The following DERA variants were observed in gnomAD, a reference collection of about 807,000 sequenced individuals.
DERA encodes the protein 2-deoxy-D-ribose 5-phosphate aldolase.
Under a neutral mutation model 41.1 loss-of-function variants are expected in DERA, and 15 were observed. The observed-to-expected ratio is 0.37, with a 90% CI of 0.24 to 0.56. The LOEUF is 0.56. DERA is among the 20% of genes least tolerant of loss of function. The pLI, the probability that DERA is intolerant of heterozygous loss-of-function variation, is 0.81. For missense variants in DERA, 396 were observed against 403.4 expected (o/e 0.98, Z 0.16); for synonymous variants, 139 against 137.4 (o/e 1.01, Z -0.08).
In DERA at chr12:15,989,959, G is replaced by C. The variant is rs143012881; in HGVS notation, c.637+7523G>C. On this transcript the variant is annotated intron_variant, in intron 6 of 8. Coordinates refer to ENST00000428559, the MANE Select transcript of DERA (RefSeq NM_015954.4). This position sits in a 1 kb window ranked among gnomAD's most constrained non-coding sequence, Gnocchi z 5.2. ...ACACAGTCAGAAGACCAGAACTCTTGTTCTGTCTTGCATATTTTGTGACCT... is the reference window on the plus strand; with the variant it reads ...ACACAGTCAGAAGACCAGAACTCTTCTTCTGTCTTGCATATTTTGTGACCT... Among the ~76,000 whole-genome samples, 57 of 152,268 alleles carry C rather than the reference G, an allele frequency of 3.7e-4. No homozygotes were observed. Among genetic ancestry groups the C allele is most frequent in the African/African-American group, 1.3e-3 (55 of 41,568 alleles).
In DERA at chr12:16,001,208, G is replaced by A. The variant is rs1206242412; in HGVS notation, c.637+18772G>A. 1.3e-5 allele frequency among the ~76,000 whole-genome samples: 2 copies of A among 152,204 alleles called. No homozygotes were observed. Among genetic ancestry groups the A allele is most frequent in the South Asian group, 2.1e-4 (1 of 4,818 alleles). ...GGTGCAGCAAACCACCACGGCACAC[G>A]TACACCTATGTAACAAACCTGCACA... is the stretch of plus-strand genomic sequence containing the variant. On this transcript the variant is annotated intron_variant, in intron 6 of 8. Coordinates refer to ENST00000428559, the MANE Select transcript of DERA (RefSeq NM_015954.4). The surrounding 1 kb of genome is among the most constrained non-coding windows in gnomAD (Gnocchi z 4.1).
At chr12:15,987,834 G>T (rs1418038738) in intron 6 of DERA, among the ~76,000 whole-genome samples, 2 of 152,034 alleles carry the variant, frequency 1.3e-5, no homozygotes, top group Non-Finnish European at 2.9e-5. Flanking sequence ...GGCCCGGCAG[G>T]CTGCACTTGG....
intron 6 of DERA, among the ~76,000 whole-genome samples, chr12:16,031,050 T>C (rs1383684422): frequency 6.6e-6 from 1 of 152,256 alleles, no homozygotes; most frequent in African/African-American, 2.4e-5. Context: ...AAGTGCTTGC[T>C]ATGCGATTGT....
chr12:16,028,494 G>C (rs890121341), intron 6 of DERA, among the ~76,000 whole-genome samples: 1 of 152,142 alleles, frequency 6.6e-6, no homozygotes. Context: ...GCCCCTGCTC[G>C]AGGAGGTGGA....
At chr12:15,986,474 TAC>T (rs1391095791) in intron 6 of DERA, among the ~76,000 whole-genome samples, 2 of 152,240 alleles carry the variant, frequency 1.3e-5, no homozygotes, top group African/African-American at 4.8e-5. Context: ...GCTTTTTATC[TAC>T]AGACTCTTTG....
At chr12:16,015,441 T>A (rs149073726) in intron 6 of DERA, among the ~76,000 whole-genome samples, 1 of 152,238 alleles carries the variant, frequency 6.6e-6, no homozygotes, top group Non-Finnish European at 1.5e-5. Context: ...TTGGCACATC[T>A]CCTTCTTGTC....
At position 15,992,577 on chromosome 12, in the gene DERA, G is replaced by A. The variant is rs949420726; in HGVS notation, c.637+10141G>A. On this transcript the variant is annotated intron_variant, in intron 6 of 8. Transcript: ENST00000428559. This position sits in a 1 kb window ranked among gnomAD's most constrained non-coding sequence, Gnocchi z 4.3. ...AAGTACAAATACAGGAGGAACTAAAGTAGGAGCAAACAATTTGAAGGGAGT... is the reference window on the plus strand; with the variant it reads ...AAGTACAAATACAGGAGGAACTAAAATAGGAGCAAACAATTTGAAGGGAGT... 3.3e-5 allele frequency among the ~76,000 whole-genome samples: 5 copies of A among 152,060 alleles called. No individual in the cohort carries two copies. Among genetic ancestry groups the A allele is most frequent in the African/African-American group, 1.2e-4 (5 of 41,396 alleles).
intron 1 of DERA, among the ~76,000 whole-genome samples, chr12:15,945,405 T>G (rs1242747971): frequency 6.6e-6 from 1 of 152,226 alleles, no homozygotes; most frequent in Non-Finnish European, 1.5e-5. Flanking sequence ...TTTGATTTCG[T>G]TGAGCAGTGG....
chr12:15,943,705 T>TTTTGTTTA lies in DERA; in HGVS notation c.32-13228_32-13227insGTTTATTT, dbSNP rs1555150476. Among the ~76,000 whole-genome samples the TTTTGTTTA allele has an allele frequency of 6.9e-6, 1 of 144,134 alleles. No individual in the cohort carries two copies. The highest frequency in any genetic ancestry group is 1.5e-5 in the Non-Finnish European group (1 of 65,818). 94.6% of individuals were successfully genotyped at this position (144,134 alleles called of 152,430 possible). On this transcript the variant is annotated intron_variant, in intron 1 of 8. Transcript: ENST00000428559. This position sits in a 1 kb window ranked among gnomAD's most constrained non-coding sequence, Gnocchi z 4.5. ...TGTTTCTTCTTTTTTATTTTTTAAT[T>TTTTGTTTA]TTTATTTATTTATTTATTTATTTAT...
chr12:15,960,205 T>TACAC lies in DERA; in HGVS notation c.373+282_373+283insCACA, dbSNP rs765732027. ...AGGCATGACATATAGTATATATATA[T>TACAC]ATACACACACACACACACACATATA... On this transcript the variant is annotated intron_variant, in intron 4 of 8. Coordinates refer to ENST00000428559, the MANE Select transcript of DERA (RefSeq NM_015954.4). Among the ~76,000 whole-genome samples, 136 of 149,888 alleles carry TACAC rather than the reference T, an allele frequency of 9.1e-4. 1 individual carries two copies. Among genetic ancestry groups the TACAC allele is most frequent in the African/African-American group, 3.1e-3 (128 of 40,820 alleles).
intron 7 of DERA, among the ~76,000 whole-genome samples, chr12:16,034,123 G>A (rs953999400): frequency 6.6e-6 from 1 of 152,172 alleles, no homozygotes; most frequent in Admixed American, 6.5e-5. Context: ...CCCATCCCTG[G>A]TGGTTTTGGG....
Position 16,026,850 on chromosome 12 carries a change from T to G in DERA, c.638-5692T>G, listed in dbSNP as rs558793970. Among the ~76,000 whole-genome samples, 44 of 152,076 alleles carry G rather than the reference T, an allele frequency of 2.9e-4. 1 individual carries two copies. The highest frequency in any genetic ancestry group is 9.9e-4 in the African/African-American group (41 of 41,492). ...TTACTCCAAAACCAGATAAAGACAC[T>G]GCCAGAAAGAAAACCTATAGATGAA... On this transcript the variant is annotated intron_variant, in intron 6 of 8. Coordinates refer to ENST00000428559, the MANE Select transcript of DERA (RefSeq NM_015954.4). The surrounding 1 kb of genome is among the most constrained non-coding windows in gnomAD (Gnocchi z 4.4).
rs1949130768 is a variant in DERA, at chr12:16,036,641, G to A, written c.901-49G>A. The A allele has an allele frequency of 7.7e-7, 1 of 1,305,196 alleles. No homozygotes were observed. Among genetic ancestry groups the A allele is most frequent in the Non-Finnish European group, 1.1e-6 (1 of 915,076 alleles). The allele number at this position is 1,305,196 out of a possible 1,614,324, so 80.9% of individuals were successfully genotyped here. A position where few individuals can be genotyped will look rare whatever the true frequency, so the allele number is the denominator to read the frequency against. ...TTTGATAGTATAATTATTAACTGAT[G>A]TGTATAATTATAGAATGATTGTTAA... On this transcript the variant is annotated intron_variant, in intron 8 of 8. Transcript: ENST00000428559. The surrounding 1 kb of genome is among the most constrained non-coding windows in gnomAD (Gnocchi z 4.9).
At chr12:15,945,882 C>CT (rs1192347172) in intron 1 of DERA, among the ~76,000 whole-genome samples, 1 of 152,044 alleles carries the variant, frequency 6.6e-6, no homozygotes, top group African/African-American at 2.4e-5. Context: ...ATAAATAGCT[C>CT]TTATTATTTT....
intron 5 of DERA, among the ~76,000 whole-genome samples, chr12:15,980,179 A>G (rs1440199048): frequency 6.6e-6 from 1 of 152,252 alleles, no homozygotes; most frequent in African/African-American, 2.4e-5. Flanking sequence ...GCAGTATGCA[A>G]AGTACTTTGT....
At position 16,032,609 on chromosome 12, in the gene DERA, A is replaced by C; in HGVS notation, c.705A>C (p.Val235=). 3 of 1,568,152 alleles carry C rather than the reference A, an allele frequency of 1.9e-6. No homozygotes were observed. The highest frequency in any genetic ancestry group is 2.6e-6 in the Non-Finnish European group (3 of 1,155,216). The change falls in exon 7 of 9, where the codon GTA becomes GTC. Residue 235 remains valine, a synonymous_variant. Transcript: ENST00000428559. ...TVNATFPVAI[V]MLRAIRDFFW... is the part of the protein sequence containing the mutation. ...ATGCCACCTTCCCGGTAGCTATAGT[A>C]ATGCTGCGGGCCATTAGAGATTTCT...
chr12:15,946,406 G>A (rs1053723720), intron 1 of DERA, among the ~76,000 whole-genome samples: 1 of 152,118 alleles, frequency 6.6e-6, no homozygotes, highest in Non-Finnish European at 1.5e-5. Context: ...CAATTTCAGA[G>A]CCTGTTATTG....
In DERA at chr12:15,962,951, G is replaced by A. The variant is rs1300914409; in HGVS notation, c.508+4G>A. 1.2e-6 allele frequency: 2 copies of A among 1,604,824 alleles called. No homozygotes were observed. The highest frequency in any genetic ancestry group is 2.2e-5 in the East Asian group (1 of 44,740). On this transcript the variant is annotated splice_donor_region_variant and intron_variant, in intron 5 of 8. Coordinates refer to ENST00000428559, the MANE Select transcript of DERA (RefSeq NM_015954.4). ...GTGCTGACAGGCCAGTGGGAAGGTA[G>A]GTGCATGCTTTTACCTAAGAGAGTT... is the stretch of plus-strand genomic sequence containing the variant.
rs1423501417 is a variant in DERA, at chr12:15,989,803, C to A, written c.637+7367C>A. On this transcript the variant is annotated intron_variant, in intron 6 of 8. Coordinates refer to ENST00000428559, the MANE Select transcript of DERA (RefSeq NM_015954.4). This position sits in a 1 kb window ranked among gnomAD's most constrained non-coding sequence, Gnocchi z 5.2. The stretch of plus-strand genomic sequence containing the variant: ...GGTAGAGATATCTAACTATGTTAGT[C>A]TGGTCTTACACATCATTGTAAGTAA... Among the ~76,000 whole-genome samples, 1 of 152,176 alleles carries A rather than the reference C, an allele frequency of 6.6e-6. No homozygotes were observed. Among genetic ancestry groups the A allele is most frequent in the Non-Finnish European group, 1.5e-5 (1 of 68,030 alleles).
Sources: gnomAD v4.1 joint callset for allele counts (sites outside exome capture counted in the v4.1 genomes callset) on GRCh38, gnomAD v4.1.1 for gene constraint, Gnocchi (gnomAD v3.1) non-coding constraint, MANE v1.5 for transcripts, NCBI Gene and HGNC (gene_info 2026-07-23, HGNC 2026-07-21) for gene names.